The following GUCA1C variants were observed in gnomAD, a reference collection of about 807,000 sequenced individuals.
GUCA1C encodes the protein guanylyl cyclase-activating protein 3.
GUCA1C carries 15 observed loss-of-function variants against 16.2 expected under a neutral mutation model. The ratio of observed to expected loss-of-function variants is 0.93; its 90% CI spans 0.62 to 1.43. The LOEUF (loss-of-function observed/expected upper bound fraction) is 1.43. Ranked by LOEUF, GUCA1C falls within the 40% of genes most tolerant of loss-of-function variation. The pLI, the probability that GUCA1C is intolerant of heterozygous loss-of-function variation, is 0.00. For synonymous variants in GUCA1C, 78 were observed against 85.4 expected (o/e 0.91, Z 0.48); for missense variants, 275 against 244.8 (o/e 1.12, Z -0.82).
At chr3:108,932,924 C>CAAAAAAAAAAAAAAAAAAAAAAA (rs57918246) in intron 1 of GUCA1C, among the ~76,000 whole-genome samples, 2 of 68,680 alleles carry the variant, frequency 2.9e-5, no homozygotes, top group African/African-American at 4.9e-5. Context: ...AAAAAAATCT[C>CAAAAAAAAAAAAAAAAAAAAAAA]AAAAAAAAAA....
At chr3:108,916,858 T>G (rs887024216) in intron 2 of GUCA1C, among the ~76,000 whole-genome samples, 1 of 152,188 alleles carries the variant, frequency 6.6e-6, no homozygotes, top group African/African-American at 2.4e-5. Flanking sequence ...GACATAGAAC[T>G]TCAAAATAAA....
At chr3:108,938,985 T>C (rs557230640) in intron 1 of GUCA1C, among the ~76,000 whole-genome samples, 14 of 152,262 alleles carry the variant, frequency 9.2e-5, no homozygotes, top group Middle Eastern at 3.4e-3. Context: ...GGCAAGACAA[T>C]TGTCCAAGTT....
At chr3:108,916,271 C>A in intron 2 of GUCA1C, 57 bp from the exon 3 acceptor site, 1 of 1,558,004 alleles carries the variant, frequency 6.4e-7, no homozygotes, top group Non-Finnish European at 8.8e-7. Flanking sequence ...ATACATTTTG[C>A]AACATTTCTG....
intron 2 of GUCA1C, among the ~76,000 whole-genome samples, chr3:108,916,684 A>G (rs1330583740): frequency 2.0e-5 from 3 of 152,130 alleles, no homozygotes; most frequent in Non-Finnish European, 4.4e-5. Flanking sequence ...CCTTTTGTGG[A>G]ATGATTGACT....
intron 2 of GUCA1C, among the ~76,000 whole-genome samples, chr3:108,917,486 T>C (rs955034426): frequency 5.9e-5 from 9 of 152,152 alleles, no homozygotes; most frequent in Admixed American, 1.3e-4. Flanking sequence ...GAAGCTTTTT[T>C]TTCTTCTTCT....
At chr3:108,918,858 T>C (rs1257400642) in intron 2 of GUCA1C, among the ~76,000 whole-genome samples, 2 of 152,232 alleles carry the variant, frequency 1.3e-5, no homozygotes, top group African/African-American at 4.8e-5. Context: ...ATATATTCCA[T>C]TGCATTAATT....
At chr3:108,938,766 G>T (rs1477126456) in intron 1 of GUCA1C, among the ~76,000 whole-genome samples, 1 of 152,196 alleles carries the variant, frequency 6.6e-6, no homozygotes, top group East Asian at 1.9e-4. Flanking sequence ...GCAGATCTGA[G>T]ATCACACACT....
chr3:108,946,723 G>A (rs969119608), intron 1 of GUCA1C, among the ~76,000 whole-genome samples: 1 of 151,800 alleles, frequency 6.6e-6, no homozygotes, highest in African/African-American at 2.4e-5. Context: ...TTTACAATGC[G>A]GGATATTCTA....
At chr3:108,935,716 A>C (rs751423432) in intron 1 of GUCA1C, among the ~76,000 whole-genome samples, 55 of 152,050 alleles carry the variant, frequency 3.6e-4, no homozygotes, top group Admixed American at 3.3e-4. Flanking sequence ...AAAACAACAA[A>C]AAAAGAAAGC....
At chr3:108,936,106 A>T (rs1173422219) in intron 1 of GUCA1C, among the ~76,000 whole-genome samples, 1 of 152,104 alleles carries the variant, frequency 6.6e-6, no homozygotes, top group African/African-American at 2.4e-5. Context: ...CTCTACAAAA[A>T]ATACAAAAAT....
intron 3 of GUCA1C, among the ~76,000 whole-genome samples, chr3:108,910,500 A>G (rs1469697832): frequency 6.6e-6 from 1 of 151,954 alleles, no homozygotes; most frequent in Non-Finnish European, 1.5e-5. Context: ...TGTCTGAAAA[A>G]AAAAAAAGGC....
intron 2 of GUCA1C, 94 bp from the exon 3 acceptor site, chr3:108,916,308 TGTTGTCG>T: frequency 1.7e-6 from 2 of 1,169,008 alleles, no homozygotes; most frequent in East Asian, 4.7e-5. Flanking sequence ...TTTGGGGATG[TGTTGTCG>T]GTTGCTATCC....
At chr3:108,919,244 G>T (rs1049669010) in intron 2 of GUCA1C, among the ~76,000 whole-genome samples, 5 of 151,176 alleles carry the variant, frequency 3.3e-5, no homozygotes, top group African/African-American at 1.2e-4. Context: ...TCTAAGTTTA[G>T]CCCTTAACTT....
chr3:108,908,847 A>T (rs527624884), intron 3 of GUCA1C, among the ~76,000 whole-genome samples: 1 of 152,228 alleles, frequency 6.6e-6, no homozygotes, highest in East Asian at 1.9e-4. Context: ...CCTTCACCCC[A>T]CAAGATGACT....
chr3:108,923,204 G>T (rs1246008733), intron 1 of GUCA1C, among the ~76,000 whole-genome samples: 1 of 152,058 alleles, frequency 6.6e-6, no homozygotes, highest in Admixed American at 6.6e-5. Context: ...TGTTTTTGTT[G>T]CATTTGCTTT....
intron 1 of GUCA1C, among the ~76,000 whole-genome samples, chr3:108,946,042 G>A (rs1946841060): frequency 2.0e-5 from 3 of 152,192 alleles, no homozygotes; most frequent in Admixed American, 2.0e-4. Flanking sequence ...TGAACCCTCT[G>A]AGCTAATGAA....
chr3:108,941,912 A>G (rs1946789821), intron 1 of GUCA1C, among the ~76,000 whole-genome samples: 1 of 152,178 alleles, frequency 6.6e-6, no homozygotes, highest in South Asian at 2.1e-4. Flanking sequence ...TGAGACACCT[A>G]GAGTCTGTAG....
At chr3:108,936,870 C>T (rs965300181) in intron 1 of GUCA1C, among the ~76,000 whole-genome samples, 11 of 152,144 alleles carry the variant, frequency 7.2e-5, no homozygotes, top group Admixed American at 4.6e-4. Context: ...CTCTTGGGGC[C>T]ACCACTTCTA....
At chr3:108,929,557 T>C (rs1946649080) in intron 1 of GUCA1C, among the ~76,000 whole-genome samples, 1 of 152,210 alleles carries the variant, frequency 6.6e-6, no homozygotes, top group Non-Finnish European at 1.5e-5. Context: ...TCTTAGTTTC[T>C]TACCATTAAG....
Sources: allele counts gnomAD v4.1 joint callset (sites outside exome capture counted in the v4.1 genomes callset), GRCh38; gene constraint gnomAD v4.1.1; transcripts MANE v1.5; gene names NCBI Gene and HGNC (gene_info 2026-07-23, HGNC 2026-07-21).